The following ARHGEF28 variants were observed in gnomAD, a reference collection of about 807,000 sequenced individuals.
The protein encoded by ARHGEF28 is 190 kDa guanine nucleotide exchange factor.
Under a neutral mutation model 206.6 loss-of-function variants are expected in ARHGEF28, and 152 were observed. The observed-to-expected ratio is 0.74, with a 90% CI of 0.64 to 0.84. The LOEUF (loss-of-function observed/expected upper bound fraction) is 0.84. ARHGEF28 is among the 40% of genes least tolerant of loss of function. The pLI, the probability that ARHGEF28 is intolerant of heterozygous loss-of-function variation, is 0.00. For synonymous variants in ARHGEF28, 763 were observed against 776.4 expected (o/e 0.98, Z 0.29); for missense variants, 2,028 against 2,073.2 (o/e 0.98, Z 0.42).
intron 1 of ARHGEF28, among the ~76,000 whole-genome samples, chr5:73,654,757 G>A (rs1745074087): frequency 1.3e-5 from 2 of 152,152 alleles, no homozygotes; most frequent in Admixed American, 1.3e-4. Context: ...ATTCATCATG[G>A]TGTCAGGTTT....
intron 9 of ARHGEF28, among the ~76,000 whole-genome samples, chr5:73,815,894 CAG>C (rs1186753932): frequency 1.3e-5 from 2 of 152,150 alleles, no homozygotes; most frequent in African/African-American, 4.8e-5. Context: ...AGGTTGGTAG[CAG>C]AGAGGTGGGG....
chr5:73,660,918 G>A (rs1266530392), intron 1 of ARHGEF28, among the ~76,000 whole-genome samples: 1 of 152,106 alleles, frequency 6.6e-6, no homozygotes, highest in Non-Finnish European at 1.5e-5. Flanking sequence ...AGGGCCCTAG[G>A]ACTTTTGGAA....
In ARHGEF28 at chr5:73,821,927, C is replaced by T. The variant is rs144773856; in HGVS notation, c.1025-10411C>T. 9.5e-4 allele frequency among the ~76,000 whole-genome samples: 145 copies of T among 152,272 alleles called. 1 individual carries two copies. Among genetic ancestry groups the T allele is most frequent in the African/African-American group, 3.1e-3 (130 of 41,562 alleles). On this transcript the variant is annotated intron_variant, in intron 9 of 35. Transcript: ENST00000513042. ...GAGTCTTGAAGGCTACTTTGTGCTA[C>T]TACAATGCGGAGTGAGGACTTGGAA...
At chr5:73,689,351 T>A (rs1267010359) in intron 2 of ARHGEF28, among the ~76,000 whole-genome samples, 2 of 152,168 alleles carry the variant, frequency 1.3e-5, no homozygotes, top group Non-Finnish European at 2.9e-5. Context: ...TTTATTTTTT[T>A]AAATTTATTT....
At chr5:73,877,350 T>G (rs1470582404) in intron 22 of ARHGEF28, among the ~76,000 whole-genome samples, 2 of 150,206 alleles carry the variant, frequency 1.3e-5, no homozygotes, top group East Asian at 3.9e-4. Context: ...CTATCAATTT[T>G]GTTGATCCTT....
intron 11 of ARHGEF28, among the ~76,000 whole-genome samples, chr5:73,842,938 G>A (rs2112580184): frequency 6.7e-6 from 1 of 149,834 alleles, no homozygotes. Context: ...AGTGAGCAGA[G>A]ATGGCACTAC....
At chr5:73,798,790 T>C (rs765373615) in intron 9 of ARHGEF28, among the ~76,000 whole-genome samples, 2 of 152,134 alleles carry the variant, frequency 1.3e-5, no homozygotes, top group Non-Finnish European at 2.9e-5. Flanking sequence ...CTAAACGTGA[T>C]TAAGAAATAG....
In ARHGEF28 at chr5:73,909,728, T is replaced by C. The variant is rs1358035566; in HGVS notation, c.4478T>C (p.Leu1493Pro). The C allele has an allele frequency of 2.6e-6, 4 of 1,517,616 alleles. No individual in the cohort carries two copies. Among genetic ancestry groups the C allele is most frequent in the Non-Finnish European group, 3.5e-6 (4 of 1,132,078 alleles). The allele number at this position is 1,517,616 out of a possible 1,614,324, so 94.0% of individuals were successfully genotyped here. A position where few individuals can be genotyped will look rare whatever the true frequency, so the allele number is the denominator to read the frequency against. The change falls in exon 34 of 36, where the codon CTG becomes CCG. Residue 1493 changes from leucine to proline, a missense_variant. By Grantham distance (98) the Leu-to-Pro change is moderately conservative (BLOSUM62 -3). Around this residue, in one of 3 missense-constraint regions of ARHGEF28, gnomAD observed 803 missense variants for 768.0 expected, o/e 1.05. Transcript: ENST00000513042. ...CTGCTGCTGCGGAGCCGGGGCGAGC[T>C]GGACCTCCAGCTCCAGGAGTACCAG... ...EELLLRSRGE[L>P]DLQLQEYQHS...
chr5:73,779,637 G>T (rs1054943813), intron 6 of ARHGEF28, among the ~76,000 whole-genome samples: 3 of 152,188 alleles, frequency 2.0e-5, no homozygotes, highest in South Asian at 2.1e-4. Flanking sequence ...AGCCTGTGTG[G>T]TGACCCCTCC....
chr5:73,684,543 A>C (rs1422592297), intron 1 of ARHGEF28, among the ~76,000 whole-genome samples: 1 of 152,194 alleles, frequency 6.6e-6, no homozygotes, highest in Non-Finnish European at 1.5e-5. Context: ...CATAGGTATA[A>C]AAATTTCTGT....
In ARHGEF28 at chr5:73,941,181, G is replaced by A. The variant is rs1742594692; in HGVS notation, c.*168G>A. On this transcript the variant is annotated 3_prime_UTR_variant, in exon 36 of 36. Coordinates refer to ENST00000513042, the MANE Select transcript of ARHGEF28 (RefSeq NM_001177693.2). Reference sequence around the variant, plus strand: ...TTGGCATGAGTCTAATTAAATTATTGAAAGCCACCCTGTTTGTATAATCTT... The same window carrying A: ...TTGGCATGAGTCTAATTAAATTATTAAAAGCCACCCTGTTTGTATAATCTT... 2.0e-6 allele frequency: 1 copy of A among 501,092 alleles called. No homozygotes were observed. The highest frequency in any genetic ancestry group is 3.1e-6 in the Non-Finnish European group (1 of 326,462). The allele number at this position is 501,092 out of a possible 1,614,324, so 31.0% of individuals were successfully genotyped here.
At chr5:73,693,191 G>C (rs16870700) in intron 2 of ARHGEF28, among the ~76,000 whole-genome samples, 51,170 of 151,902 alleles carry the variant, frequency 0.34, 9,841 homozygotes, top group African/African-American at 0.53. Context: ...GGGGTTTTCC[G>C]ACCTTCACTG....
chr5:73,675,732 CAAAAAAAAA>C (rs35836692), intron 1 of ARHGEF28, among the ~76,000 whole-genome samples: 1 of 49,668 alleles, frequency 2.0e-5, no homozygotes, highest in African/African-American at 7.8e-5. Flanking sequence ...GACTCTGTCT[CAAAAAAAAA>C]AAAAAAAAAA....
intron 1 of ARHGEF28, among the ~76,000 whole-genome samples, chr5:73,678,794 A>G (rs1247031505): frequency 6.6e-6 from 1 of 151,376 alleles, no homozygotes; most frequent in Non-Finnish European, 1.5e-5. Flanking sequence ...ACCCTTATCA[A>G]GTTAAAAAAA....
chr5:73,857,967 T>G, intron 15 of ARHGEF28, 120 bp from the exon 16 acceptor site: 1 of 1,459,788 alleles, frequency 6.9e-7, no homozygotes, highest in East Asian at 2.3e-5. Flanking sequence ...TGTGCAGTCC[T>G]TATATTCTGA....
At chr5:73,635,740 G>T (rs905372750) in intron 1 of ARHGEF28, among the ~76,000 whole-genome samples, 7 of 152,184 alleles carry the variant, frequency 4.6e-5, no homozygotes, top group Non-Finnish European at 1.0e-4. Flanking sequence ...TTTGCAACTT[G>T]TCAAAAACTT....
intron 1 of ARHGEF28, among the ~76,000 whole-genome samples, chr5:73,679,558 C>A: frequency 7.0e-6 from 1 of 143,416 alleles, no homozygotes; most frequent in East Asian, 2.1e-4. Flanking sequence ...CAGAGCGAGA[C>A]TCTGTCTCAA....
intron 2 of ARHGEF28, among the ~76,000 whole-genome samples, chr5:73,729,851 T>C (rs1255772574): frequency 2.0e-5 from 3 of 152,210 alleles, no homozygotes; most frequent in Non-Finnish European, 4.4e-5. Flanking sequence ...AGTTACACAC[T>C]AACTATTGTT....
At chr5:73,756,648 A>G (rs1224804908) in intron 4 of ARHGEF28, among the ~76,000 whole-genome samples, 3 of 152,180 alleles carry the variant, frequency 2.0e-5, no homozygotes, top group Non-Finnish European at 4.4e-5. Context: ...GGGCTCATAT[A>G]TGGATATTGG....
Sources: gnomAD v4.1 joint callset for allele counts (sites outside exome capture counted in the v4.1 genomes callset) on GRCh38, gnomAD v4.1.1 for gene constraint, gnomAD v4.1.1 regional missense constraint, MANE v1.5 for transcripts, NCBI Gene and HGNC (gene_info 2026-07-23, HGNC 2026-07-21) for gene names.